RANBP17: variants seen among roughly 807,000 people sequenced by gnomAD.
The protein encoded by RANBP17 is RAN binding protein 17.
Under a neutral mutation model 141.2 loss-of-function variants are expected in RANBP17, and 158 were observed. The observed-to-expected ratio is 1.12, with a 90% CI of 0.98 to 1.28. The LOEUF (loss-of-function observed/expected upper bound fraction) is 1.28, where lower values mean the gene tolerates loss of function less well. Among genes scored for constraint, RANBP17 ranks in the 50% most tolerant of loss-of-function variants. RANBP17 has a pLI of 0.00. For synonymous variants in RANBP17, 430 were observed against 450.0 expected (o/e 0.96, Z 0.56); for missense variants, 1,438 against 1,290.7 (o/e 1.11, Z -1.75).
At chr5:171,248,149 G>A (rs752250451) in intron 24 of RANBP17, among the ~76,000 whole-genome samples, 1 of 152,122 alleles carries the variant, frequency 6.6e-6, no homozygotes, top group Non-Finnish European at 1.5e-5. Context: ...GGCAGATCAC[G>A]AGGTCAGGAG....
At chr5:171,171,756 T>C (rs1336741987) in intron 16 of RANBP17, among the ~76,000 whole-genome samples, 1 of 152,012 alleles carries the variant, frequency 6.6e-6, no homozygotes, top group Non-Finnish European at 1.5e-5. Context: ...TTTTCATTAG[T>C]TGAAAGGCAC....
intron 24 of RANBP17, among the ~76,000 whole-genome samples, chr5:171,259,511 C>T (rs540500536): frequency 2.6e-5 from 4 of 152,122 alleles, no homozygotes; most frequent in Middle Eastern, 3.4e-3. Flanking sequence ...ATGTGGTATA[C>T]ATACACAATG....
At chr5:170,941,518 CAAG>C (rs1283635605) in intron 12 of RANBP17, among the ~76,000 whole-genome samples, 5 of 152,052 alleles carry the variant, frequency 3.3e-5, no homozygotes, top group African/African-American at 9.6e-5. Flanking sequence ...AAAAAAGAGA[CAAG>C]AATTTAGAAG....
At position 171,180,919 on chromosome 5, in the gene RANBP17, G is replaced by A. The variant is rs551424330; in HGVS notation, c.1866-2248G>A. 5.7e-4 allele frequency among the ~76,000 whole-genome samples: 87 copies of A among 152,246 alleles called. 1 individual carries two copies. The South Asian group carries it at 0.015, about 26-fold the overall frequency. On this transcript the variant is annotated intron_variant, in intron 16 of 27. Transcript: ENST00000523189. Reference sequence around the variant, plus strand: ...AAACATGACTTGCTGTTTATTAACAGCACTGACAGGAAGATTCCTATTAAT... The same window carrying A: ...AAACATGACTTGCTGTTTATTAACAACACTGACAGGAAGATTCCTATTAAT...
chr5:170,954,323 C>T (rs1775435361), intron 13 of RANBP17, among the ~76,000 whole-genome samples: 1 of 151,916 alleles, frequency 6.6e-6, no homozygotes. Flanking sequence ...TTTGTAAAGT[C>T]CGTTTGAGTC....
chr5:171,267,031 T>TA (rs1561814670), intron 25 of RANBP17, among the ~76,000 whole-genome samples: 4 of 43,424 alleles, frequency 9.2e-5, no homozygotes, highest in Non-Finnish European at 3.4e-4. Context: ...CTTTTCTTTT[T>TA]TTTTTTTTTT....
chr5:171,087,189 A>G (rs1303608613), intron 14 of RANBP17, among the ~76,000 whole-genome samples: 13 of 150,972 alleles, frequency 8.6e-5, no homozygotes, highest in Admixed American at 2.6e-4. Flanking sequence ...GTTTCAAAGA[A>G]CATCTTTATT....
intron 24 of RANBP17, among the ~76,000 whole-genome samples, chr5:171,264,693 A>G (rs572962456): frequency 1.3e-5 from 2 of 152,298 alleles, no homozygotes; most frequent in African/African-American, 2.4e-5. Flanking sequence ...TTCTCATTCA[A>G]CTCTGCAAGG....
At chr5:170,935,311 C>T (rs1052413436) in intron 12 of RANBP17, among the ~76,000 whole-genome samples, 6 of 152,212 alleles carry the variant, frequency 3.9e-5, no homozygotes, top group Admixed American at 6.5e-5. Flanking sequence ...TCTCTCGAAT[C>T]GTCAAAGTCA....
chr5:170,865,034 A>G (rs1322562025), intron 1 of RANBP17, among the ~76,000 whole-genome samples: 4 of 152,082 alleles, frequency 2.6e-5, no homozygotes, highest in Admixed American at 2.6e-4. Flanking sequence ...TTTGGAAGGT[A>G]GATATTGCTG....
intron 3 of RANBP17, among the ~76,000 whole-genome samples, chr5:170,887,113 G>A (rs1769230558): frequency 6.6e-6 from 1 of 151,704 alleles, no homozygotes; most frequent in Non-Finnish European, 1.5e-5. Flanking sequence ...GTCTGTTAAG[G>A]TCATCGGCCC....
chr5:171,086,027 T>C (rs1785620033), intron 14 of RANBP17, among the ~76,000 whole-genome samples: 1 of 59,190 alleles, frequency 1.7e-5, no homozygotes, highest in African/African-American at 6.7e-5. Context: ...AGAGAGGGCA[T>C]CCCTGTCTTG....
chr5:171,088,995 G>A lies in RANBP17; in HGVS notation c.1711-81135G>A, dbSNP rs375446354. On this transcript the variant is annotated intron_variant, in intron 14 of 27. Transcript: ENST00000523189. ...GTCATTCTCCATCCAGCTTTGTTCCGTTGCTGGTGAGGAACTGCGTTCCTT... is the reference window on the plus strand; with the variant it reads ...GTCATTCTCCATCCAGCTTTGTTCCATTGCTGGTGAGGAACTGCGTTCCTT... 9.9e-5 allele frequency among the ~76,000 whole-genome samples: 15 copies of A among 151,608 alleles called. 1 individual carries two copies. Among genetic ancestry groups the A allele is most frequent in the South Asian group, 2.1e-4 (1 of 4,766 alleles).
chr5:171,139,497 G>A (rs1757547250), intron 14 of RANBP17, among the ~76,000 whole-genome samples: 1 of 152,064 alleles, frequency 6.6e-6, no homozygotes, highest in Non-Finnish European at 1.5e-5. Context: ...TAATAAACCT[G>A]GTCTTCTTTA....
intron 14 of RANBP17, among the ~76,000 whole-genome samples, chr5:171,150,211 T>C (rs899659203): frequency 6.6e-5 from 10 of 152,200 alleles, no homozygotes; most frequent in African/African-American, 2.4e-5. Context: ...GTTTTTAGGG[T>C]ATTCCCATTT....
chr5:171,066,744 A>C (rs1399055877), intron 14 of RANBP17, among the ~76,000 whole-genome samples: 2 of 152,182 alleles, frequency 1.3e-5, no homozygotes, highest in Non-Finnish European at 2.9e-5. Flanking sequence ...AGGAGCCTCC[A>C]TATTGTTTTC....
intron 23 of RANBP17, 56 bp downstream of exon 23, chr5:171,241,198 C>A: frequency 7.6e-7 from 1 of 1,308,484 alleles, no homozygotes; most frequent in Non-Finnish European, 1.1e-6. Flanking sequence ...AACACCACCA[C>A]AGGCCTGGAA....
At chr5:171,267,621 A>G (rs1766813762) in intron 25 of RANBP17, among the ~76,000 whole-genome samples, 1 of 152,070 alleles carries the variant, frequency 6.6e-6, no homozygotes, top group Admixed American at 6.6e-5. Flanking sequence ...AGCCTGGCCA[A>G]TATGGCGAAA....
At position 170,910,775 on chromosome 5, in the gene RANBP17, G is replaced by A. The variant is rs1771460864; in HGVS notation, c.595-194G>A. The A allele has an allele frequency of 5.6e-6, 3 of 538,274 alleles. No individual in the cohort carries two copies. The Admixed American group carries it at 9.9e-5, about 18-fold the overall frequency. 33.3% of individuals were successfully genotyped at this position (538,274 alleles called of 1,614,324 possible). A position where few individuals can be genotyped will look rare whatever the true frequency, so the allele number is the denominator to read the frequency against. On this transcript the variant is annotated intron_variant, in intron 6 of 27. Transcript: ENST00000523189. ...TTCTGATTGCCTTTATTAGCTGAAT[G>A]TGATTCTTTTATGCATGAAGTTAAC...
Sources: gnomAD v4.1 joint callset for allele counts (sites outside exome capture counted in the v4.1 genomes callset) on GRCh38, gnomAD v4.1.1 for gene constraint, MANE v1.5 for transcripts, NCBI Gene and HGNC (gene_info 2026-07-23, HGNC 2026-07-21) for gene names.